The following UBE3B variants were observed in gnomAD, a reference collection of about 807,000 sequenced individuals.
UBE3B encodes ubiquitin-protein ligase E3B.
A neutral mutation model predicts 132.3 loss-of-function variants in UBE3B; 80 were observed. The observed-to-expected ratio is 0.60, with a 90% CI of 0.50 to 0.73. The LOEUF (loss-of-function observed/expected upper bound fraction) is 0.73. UBE3B is among the 30% of genes least tolerant of loss of function. The pLI is 0.00. For missense variants in UBE3B, 1,196 were observed against 1,362.5 expected, an observed-to-expected ratio of 0.88 and a Z score of 1.92; for synonymous variants, 487 against 520.4, an observed-to-expected ratio of 0.94 and a Z score of 0.87.
chr12:109,494,687 C>A (rs1008610335), intron 9 of UBE3B, among the ~76,000 whole-genome samples: 1 of 152,160 alleles, frequency 6.6e-6, no homozygotes, highest in African/African-American at 2.4e-5. Flanking sequence ...CTGGGGAAAT[C>A]GGTAATAAGA....
Position 109,491,120 on chromosome 12 carries a change from G to A in UBE3B, c.706G>A (p.Ala236Thr), listed in dbSNP as rs779898052. ...KGTLTAAFSL[A>T]LRPVIAAQFS... ...CACTTTAACAGCAGCTTTTTCTCTA[G>A]CGTTACGGTGAGTAAGAAACCATAG... The change falls in exon 9 of 28, where the codon GCG becomes ACG. Residue 236 changes from alanine to threonine, a missense_variant. By Grantham distance (58) the Ala-to-Thr change is moderately conservative (BLOSUM62 0). Transcript: ENST00000342494. 1.1e-5 allele frequency: 18 copies of A among 1,613,888 alleles called. No individual in the cohort carries two copies. Among genetic ancestry groups the A allele is most frequent in the Non-Finnish European group, 1.5e-5 (18 of 1,179,834 alleles).
chr12:109,529,814 C>CT (rs1300845803), intron 24 of UBE3B, 76 bp from the exon 25 acceptor site: 1 of 1,538,452 alleles, frequency 6.5e-7, no homozygotes, highest in African/African-American at 1.4e-5. Context: ...AATGACTAGA[C>CT]TGTCTTTCAG....
chr12:109,537,079 G>T (rs1421847734), downstream of UBE3B, among the ~76,000 whole-genome samples: 1 of 152,024 alleles, frequency 6.6e-6, no homozygotes, highest in Middle Eastern at 3.2e-3. Context: ...CGAACTCAGG[G>T]GCTCAAGTGA....
intron 2 of UBE3B, among the ~76,000 whole-genome samples, chr12:109,482,827 T>G (rs1170129276): frequency 1.3e-5 from 2 of 152,262 alleles, no homozygotes; most frequent in Non-Finnish European, 2.9e-5. Flanking sequence ...GGACCAGTTC[T>G]ACAGTAAAGT....
Position 109,499,644 on chromosome 12 carries a change from C to T in UBE3B, c.952C>T (p.His318Tyr), listed in dbSNP as rs1218901006. The T allele has an allele frequency of 6.3e-7, 1 of 1,599,288 alleles. No homozygotes were observed. The highest frequency in any genetic ancestry group is 8.5e-7 in the Non-Finnish European group (1 of 1,172,364). The part of the protein sequence containing the change: ...HTLCLMGNLL[H>Y]LGSLSPRVLE... ...TTCTCTCTCTGTAGGCAACCTCCTACACTTGGGCTCCCTCAGCCCCAGAGT... is the reference window on the plus strand; with the variant it reads ...TTCTCTCTCTGTAGGCAACCTCCTATACTTGGGCTCCCTCAGCCCCAGAGT... Residue 318 changes from histidine to tyrosine, a missense_variant, in exon 12 of 28, where the codon CAC becomes TAC. Transcript: ENST00000342494.
chr12:109,516,178 T>C (rs1316039400), intron 18 of UBE3B, among the ~76,000 whole-genome samples: 6 of 138,832 alleles, frequency 4.3e-5, no homozygotes, highest in Admixed American at 1.4e-4. Flanking sequence ...TTTTTTTTTT[T>C]TTTTTTTTTT....
At chr12:109,514,646 A>C (rs1366920758) in intron 18 of UBE3B, among the ~76,000 whole-genome samples, 1 of 151,808 alleles carries the variant, frequency 6.6e-6, no homozygotes, top group Non-Finnish European at 1.5e-5. Flanking sequence ...AAACTACACG[A>C]CTCCACATGA....
At position 109,522,843 on chromosome 12, in the gene UBE3B, C is replaced by T. The variant is rs1029748313; in HGVS notation, c.2365-1135C>T. ...CTCTGTGCCTCTGTTTCCTCATCTG[C>T]ATAATAGAAACAATTTCTCAGTTGA... On this transcript the variant is annotated intron_variant, in intron 21 of 27. Coordinates refer to ENST00000342494, the MANE Select transcript of UBE3B (RefSeq NM_130466.4). This position sits in a 1 kb window ranked among gnomAD's most constrained non-coding sequence, Gnocchi z 4.2. 6.6e-6 allele frequency among the ~76,000 whole-genome samples: 1 copy of T among 152,192 alleles called. No homozygotes were observed. The highest frequency in any genetic ancestry group is 1.5e-5 in the Non-Finnish European group (1 of 68,036).
Position 109,514,700 on chromosome 12 carries a change from G to A in UBE3B, c.1957-2065G>A, listed in dbSNP as rs547734479. Among the ~76,000 whole-genome samples, 3 of 152,190 alleles carry A rather than the reference G, an allele frequency of 2.0e-5. No homozygotes were observed. The South Asian group carries it at 6.2e-4, about 32-fold the overall frequency. On this transcript the variant is annotated intron_variant, in intron 18 of 27. Transcript: ENST00000342494. The stretch of plus-strand genomic sequence containing the variant: ...AGTCCTACAGTTCCCCTGCCATGGA[G>A]GGGAGAGGTAGGAGCACCCTTCATT...
chr12:109,528,575 T>TG (rs1263226059), intron 24 of UBE3B: 1 of 871,208 alleles, frequency 1.1e-6, no homozygotes, highest in Non-Finnish European at 1.4e-6. Flanking sequence ...GATGCAAGGC[T>TG]GGGTGCGTTG....
chr12:109,488,660 G>A lies in UBE3B; in HGVS notation c.536G>A (p.Arg179Gln), dbSNP rs201692069. The change falls in exon 7 of 28, where the codon CGG becomes CAG. Residue 179 changes from arginine to glutamine, a missense_variant. By Grantham distance (43) the Arg-to-Gln change is conservative (BLOSUM62 1). Transcript: ENST00000342494. Reference protein sequence around the residue: ...FTDTSTWKILRGKGESLRPAM... With the variant: ...FTDTSTWKILQGKGESLRPAM... The stretch of plus-strand genomic sequence containing the variant: ...GACACTTCAACGTGGAAAATTCTTC[G>A]GGGAAAAGGTCTGTGGGACTTGCTT... 2.3e-4 allele frequency: 373 copies of A among 1,613,842 alleles called. No homozygotes were observed. Among genetic ancestry groups the A allele is most frequent in the Non-Finnish European group, 2.9e-4 (346 of 1,179,780 alleles).
chr12:109,489,937 C>T lies in UBE3B; in HGVS notation c.563C>T (p.Ala188Val), dbSNP rs763884868. The part of the protein sequence containing the change: ...LRGKGESLRP[A>V]MNHICANIMG... ...TCTTTAGGTGAAAGTCTTCGACCAG[C>T]GATGAACCACATTTGTGCAAATATA... Residue 188 changes from alanine to valine, a missense_variant, in exon 8 of 28, where the codon GCG becomes GTG. Coordinates refer to ENST00000342494, the MANE Select transcript of UBE3B (RefSeq NM_130466.4). The T allele has an allele frequency of 8.7e-6, 14 of 1,614,032 alleles. No individual in the cohort carries two copies. In the East Asian group the frequency reaches 1.6e-4, roughly 18 times the overall value.
chr12:109,511,206 A>T lies in UBE3B; in HGVS notation c.1859A>T (p.Asp620Val). ...FTPEDHWLRK[D>V]LKPSVLFQEL... ...AAACCCATGTCTTTCTTCTCAAGGG[A>T]TCTCAAACCTAGCGTGCTCTTCCAA... The change falls in exon 18 of 28, where the codon GAT becomes GTT. Residue 620 changes from aspartate (D) to valine (V), a missense_variant and splice_region_variant. Physicochemically the swap from Asp to Val is radical, Grantham distance 152. Coordinates refer to ENST00000342494, the MANE Select transcript of UBE3B (RefSeq NM_130466.4). 6.2e-7 allele frequency: 1 copy of T among 1,613,996 alleles called. No homozygotes were observed. Among genetic ancestry groups the T allele is most frequent in the East Asian group, 2.2e-5 (1 of 44,878 alleles).
intron 25 of UBE3B, 66 bp from the exon 26 acceptor site, chr12:109,530,481 C>G (rs1882830716): frequency 5.0e-6 from 7 of 1,399,454 alleles, no homozygotes; most frequent in Non-Finnish European, 7.1e-6. Context: ...GTCTGCATGA[C>G]CTGCCTGCCT....
At chr12:109,537,754 G>A (rs1883507697), downstream of UBE3B, among the ~76,000 whole-genome samples, 1 of 152,110 alleles carries the variant, frequency 6.6e-6, no homozygotes, top group African/African-American at 2.4e-5. Flanking sequence ...GCCCAGGTTG[G>A]AGTGCAGTGG....
Position 109,534,510 on chromosome 12 carries a change from C to G in UBE3B, c.3016-81C>G. 3 of 1,525,956 alleles carry G rather than the reference C, an allele frequency of 2.0e-6. No homozygotes were observed. Among genetic ancestry groups the G allele is most frequent in the Non-Finnish European group, 2.6e-6 (3 of 1,137,714 alleles). The allele number at this position is 1,525,956 out of a possible 1,614,324, so 94.5% of individuals were successfully genotyped here. On this transcript the variant is annotated intron_variant, in intron 27 of 27. Transcript: ENST00000342494. The surrounding 1 kb of genome is among the most constrained non-coding windows in gnomAD (Gnocchi z 5.2). ...ATCCAGGGACTGGCCAGATCCCCTC[C>G]CTGGGCTCCCTGGCCTTGGCATCAG... is the stretch of plus-strand genomic sequence containing the variant.
At chr12:109,542,537 C>T in the UBE3B span, among the ~76,000 whole-genome samples, 1 of 152,156 alleles carries the variant, frequency 6.6e-6, no homozygotes, top group Non-Finnish European at 1.5e-5. Context: ...AGCATGTGGC[C>T]TTATTTGGAA....
chr12:109,532,772 G>A lies in UBE3B; in HGVS notation c.2923-694G>A, dbSNP rs368350404. Among the ~76,000 whole-genome samples, 59 of 152,316 alleles carry A rather than the reference G, an allele frequency of 3.9e-4. 3 individuals are homozygous for A. The South Asian group carries it at 0.012, about 31-fold the overall frequency. Reference sequence around the variant, plus strand: ...GCCCACAGGCCCCACTTGGGCTGCCGGCACCTCAGCCTGCTCTGCAGCCTC... The same window carrying A: ...GCCCACAGGCCCCACTTGGGCTGCCAGCACCTCAGCCTGCTCTGCAGCCTC... On this transcript the variant is annotated intron_variant, in intron 26 of 27. Coordinates refer to ENST00000342494, the MANE Select transcript of UBE3B (RefSeq NM_130466.4).
chr12:109,528,380 T>A, intron 24 of UBE3B: 1 of 985,340 alleles, frequency 1.0e-6, no homozygotes. Context: ...GGAGGAGCAA[T>A]GATAGGAAAA....
Sources: allele counts gnomAD v4.1 joint callset (sites outside exome capture counted in the v4.1 genomes callset), GRCh38; gene constraint gnomAD v4.1.1; non-coding constraint Gnocchi (gnomAD v3.1); transcripts MANE v1.5; gene names NCBI Gene and HGNC (gene_info 2026-07-23, HGNC 2026-07-21).